The following TUT4 variants were observed in gnomAD, a reference collection of about 807,000 sequenced individuals.
TUT4 encodes the protein terminal uridylyltransferase 4.
In TUT4, 36 loss-of-function variants were observed where a neutral mutation model predicts 192.2. That is an observed-to-expected ratio of 0.19 (90% CI 0.14 to 0.25). The LOEUF (loss-of-function observed/expected upper bound fraction) is 0.25. TUT4 is among the 10% of genes least tolerant of loss of function. TUT4 has a pLI of 1.00. For synonymous variants in TUT4, 618 were observed against 666.0 expected (o/e 0.93, Z 1.11); for missense variants, 1,493 against 1,957.2 (o/e 0.76, Z 4.47).
intron 6 of TUT4, among the ~76,000 whole-genome samples, chr1:52,494,774 C>G (rs576061017): frequency 6.6e-6 from 1 of 152,064 alleles, no homozygotes; most frequent in Non-Finnish European, 1.5e-5. Flanking sequence ...AATTTTCACC[C>G]AAATCAAACC....
In TUT4 at chr1:52,498,902, TTATATATATATATA is replaced by T. The variant is rs60991652; in HGVS notation, c.1000-1733_1000-1720del. Among the ~76,000 whole-genome samples the T allele has an allele frequency of 7.7e-3, 179 of 23,294 alleles. 15 individuals are homozygous for T. Among genetic ancestry groups the T allele is most frequent in the Middle Eastern group, 0.045 (1 of 22 alleles). 15.3% of individuals were successfully genotyped at this position (23,294 alleles called of 152,430 possible). On this transcript the variant is annotated intron_variant, in intron 4 of 29. Transcript: ENST00000257177. ...ACTCCATTACAAAAAAAAAAAAAAATTATATATATATATATATATATATATATATATATATATAT... is the reference window on the plus strand; with the variant it reads ...ACTCCATTACAAAAAAAAAAAAAAATTATATATATATATATATATATATAT...
At chr1:52,460,424 G>A (rs1662237710) in intron 19 of TUT4, among the ~76,000 whole-genome samples, 1 of 152,134 alleles carries the variant, frequency 6.6e-6, no homozygotes, top group Admixed American at 6.5e-5. Context: ...GGAGGTTGCA[G>A]TGAGCTGAGA....
Position 52,431,443 on chromosome 1 carries a change from A to G in TUT4, c.4281T>C (p.Tyr1427=). The G allele has an allele frequency of 1.9e-6, 3 of 1,601,548 alleles. No homozygotes were observed. The highest frequency in any genetic ancestry group is 1.3e-5 in the African/African-American group (1 of 74,798). ...GTGGAAATGGCTGAGGCTGAGGAGA[A>G]TAAGATGGTGATTCAGACTGCAGAC... ...QSSECSESPS[Y]SPQPQPFPQN... Residue 1427 remains tyrosine (Y), a synonymous_variant, in exon 28 of 30, where the codon TAT becomes TAC. Coordinates refer to ENST00000257177, the MANE Select transcript of TUT4 (RefSeq NM_001009881.3).
intron 11 of TUT4, 55 bp from the exon 12 acceptor site, chr1:52,477,937 A>G: frequency 1.4e-6 from 2 of 1,452,180 alleles, no homozygotes; most frequent in Non-Finnish European, 1.8e-6. Flanking sequence ...AAAAATCAAC[A>G]AATTTTCAGT....
At chr1:52,490,041 T>C (rs1316059358) in intron 8 of TUT4, among the ~76,000 whole-genome samples, 4 of 152,168 alleles carry the variant, frequency 2.6e-5, no homozygotes, top group Non-Finnish European at 4.4e-5. Flanking sequence ...CAGTCTTCAA[T>C]TTAGGACTGA....
chr1:52,423,679 C>A lies in TUT4; in HGVS notation c.*256G>T, dbSNP rs1038215660. 3 of 678,446 alleles carry A rather than the reference C, an allele frequency of 4.4e-6. No individual in the cohort carries two copies. Among genetic ancestry groups the A allele is most frequent in the Non-Finnish European group, 6.8e-6 (3 of 441,566 alleles). The allele number at this position is 678,446 out of a possible 1,614,324, so 42.0% of individuals were successfully genotyped here. A position where few individuals can be genotyped will look rare whatever the true frequency, so the allele number is the denominator to read the frequency against. ...TAAAATAGATGAAATTTGTATCACT[C>A]AATTTGGTGATACTAGTAAAAACTA... On this transcript the variant is annotated 3_prime_UTR_variant, in exon 30 of 30. Transcript: ENST00000257177.
intron 29 of TUT4, chr1:52,424,363 A>G (rs1033838556): frequency 3.9e-6 from 1 of 253,590 alleles, no homozygotes; most frequent in Non-Finnish European, 7.8e-6. Flanking sequence ...GCCACTCTAC[A>G]ATACAGGGAT....
intron 27 of TUT4, 47 bp downstream of exon 27, chr1:52,435,318 C>A: frequency 1.4e-6 from 2 of 1,463,546 alleles, no homozygotes; most frequent in Non-Finnish European, 9.5e-7. Context: ...ATTAAAGATA[C>A]TGCTATCATC....
chr1:52,535,378 CTAAT>C (rs1571400044), intron 1 of TUT4, among the ~76,000 whole-genome samples: 2 of 152,110 alleles, frequency 1.3e-5, no homozygotes, highest in East Asian at 3.8e-4. Flanking sequence ...AGAACTCTCT[CTAAT>C]TATTCCTTTT....
intron 1 of TUT4, among the ~76,000 whole-genome samples, chr1:52,548,843 T>G (rs879843339): frequency 6.6e-6 from 1 of 152,236 alleles, no homozygotes; most frequent in Admixed American, 6.5e-5. Flanking sequence ...CTTGCATGAA[T>G]AGCGTCTCCC....
At position 52,499,074 on chromosome 1, in the gene TUT4, G is replaced by GGCTGCAAAACGT. The variant is rs1320125706; in HGVS notation, c.1000-1903_1000-1892dup. 3.3e-5 allele frequency among the ~76,000 whole-genome samples: 5 copies of GGCTGCAAAACGT among 150,834 alleles called. No individual in the cohort carries two copies. In the East Asian group the frequency reaches 5.9e-4, roughly 18 times the overall value. On this transcript the variant is annotated intron_variant, in intron 4 of 29. Transcript: ENST00000257177. ...CAAAGCTGGAGGATTCACACTTACTGGCTGCAAAACGTACTACAAAGCTAT... is the reference window on the plus strand; with the variant it reads ...CAAAGCTGGAGGATTCACACTTACTGGCTGCAAAACGTGCTGCAAAACGTACTACAAAGCTAT...
intron 7 of TUT4, 101 bp downstream of exon 7, chr1:52,493,507 CCAG>C: frequency 1.4e-6 from 1 of 735,666 alleles, no homozygotes. Context: ...CTCAACTATG[CCAG>C]CAGTTTAGTT....
At chr1:52,479,071 T>A (rs1024323413) in intron 11 of TUT4, among the ~76,000 whole-genome samples, 7 of 151,844 alleles carry the variant, frequency 4.6e-5, no homozygotes, top group Non-Finnish European at 8.8e-5. Flanking sequence ...AATAGAGTAG[T>A]CAGGATAAGA....
chr1:52,464,782 G>GA (rs1663653244), intron 16 of TUT4, among the ~76,000 whole-genome samples: 1 of 152,114 alleles, frequency 6.6e-6, no homozygotes, highest in South Asian at 2.1e-4. Flanking sequence ...TGGTTCTAGT[G>GA]AAAAAATTCC....
chr1:52,543,569 C>T (rs909784588), intron 1 of TUT4, among the ~76,000 whole-genome samples: 24 of 151,520 alleles, frequency 1.6e-4, no homozygotes, highest in South Asian at 1.0e-3. Flanking sequence ...CTGCAACCTC[C>T]GCCTCCCGGG....
chr1:52,438,062 C>T (rs986702861), intron 25 of TUT4, among the ~76,000 whole-genome samples, 158 bp downstream of exon 25: 3 of 152,144 alleles, frequency 2.0e-5, no homozygotes, highest in Admixed American at 6.5e-5. Context: ...ACATGCAAAT[C>T]TTACCCTATT....
At chr1:52,463,672 C>A in intron 16 of TUT4, 1 of 1,304,104 alleles carries the variant, frequency 7.7e-7, no homozygotes, top group Non-Finnish European at 1.0e-6. Context: ...TACAAGGATA[C>A]CCTCCTTTGC....
chr1:52,475,607 A>T (rs1025871747), intron 12 of TUT4, 72 bp from the exon 13 acceptor site: 7 of 1,310,984 alleles, frequency 5.3e-6, no homozygotes, highest in Non-Finnish European at 7.2e-6. Flanking sequence ...ATACAAGTAG[A>T]TCTTAACTGA....
At chr1:52,546,286 G>A (rs928410897) in intron 1 of TUT4, among the ~76,000 whole-genome samples, 3 of 152,072 alleles carry the variant, frequency 2.0e-5, no homozygotes, top group African/African-American at 7.2e-5. Context: ...GCTAAAACAT[G>A]GAAATAACCC....
Sources: gnomAD v4.1 joint callset for allele counts (sites outside exome capture counted in the v4.1 genomes callset) on GRCh38, gnomAD v4.1.1 for gene constraint, MANE v1.5 for transcripts, NCBI Gene and HGNC (gene_info 2026-07-23, HGNC 2026-07-21) for gene names.